ARHGAP12: variants seen among roughly 807,000 people sequenced by gnomAD.
ARHGAP12 encodes rho GTPase-activating protein 12.
In ARHGAP12, 64 loss-of-function variants were observed where a neutral mutation model predicts 108.6. The ratio of observed to expected loss-of-function variants is 0.59; its 90% confidence interval spans 0.48 to 0.73. The LOEUF is 0.73. Among genes scored for constraint, ARHGAP12 ranks in the 30% least tolerant of loss-of-function variants. The pLI is 0.00. For synonymous variants in ARHGAP12, 312 were observed against 337.2 expected (o/e 0.93, Z 0.82); for missense variants, 940 against 1,005.9 (o/e 0.93, Z 0.89).
At chr10:31,829,831 C>T (rs1835764997) in intron 10 of ARHGAP12, among the ~76,000 whole-genome samples, 1 of 152,110 alleles carries the variant, frequency 6.6e-6, no homozygotes, top group African/African-American at 2.4e-5. Flanking sequence ...TGTAGAGTTT[C>T]GGAGCAGCAG....
chr10:31,852,786 C>T (rs1188618420), intron 5 of ARHGAP12, among the ~76,000 whole-genome samples, 189 bp from the exon 6 acceptor site: 1 of 134,872 alleles, frequency 7.4e-6, no homozygotes, highest in Non-Finnish European at 1.5e-5. Flanking sequence ...GGCACCATCT[C>T]GGCTCACCAC....
At chr10:31,875,824 C>G (rs1458334591) in intron 3 of ARHGAP12, among the ~76,000 whole-genome samples, 1 of 152,182 alleles carries the variant, frequency 6.6e-6, no homozygotes, top group Admixed American at 6.5e-5. Flanking sequence ...ACTCCATACT[C>G]ACTAAACATT....
intron 9 of ARHGAP12, among the ~76,000 whole-genome samples, chr10:31,834,459 G>A (rs887195952): frequency 6.6e-6 from 1 of 152,184 alleles, no homozygotes; most frequent in Non-Finnish European, 1.5e-5. Context: ...TCACCAGACA[G>A]TGAATTTATC....
intron 10 of ARHGAP12, among the ~76,000 whole-genome samples, chr10:31,827,762 G>C (rs1466675517): frequency 1.3e-5 from 2 of 149,352 alleles, no homozygotes; most frequent in African/African-American, 5.1e-5. Context: ...CTGCACTCCA[G>C]CCTGGGTGAC....
intron 11 of ARHGAP12, 21 bp downstream of exon 11, chr10:31,826,283 C>T (rs1396270375): frequency 1.3e-6 from 2 of 1,578,814 alleles, no homozygotes; most frequent in East Asian, 2.2e-5. Flanking sequence ...TATAAAATCT[C>T]CAAAGAGAAG....
Position 31,908,922 on chromosome 10 carries a change from T to C in ARHGAP12, c.-67A>G, listed in dbSNP as rs1040223494. On this transcript the variant is annotated 5_prime_UTR_variant, in exon 3 of 20. The change creates a new upstream start codon in the 5' untranslated region. Coordinates refer to ENST00000344936, the MANE Select transcript of ARHGAP12 (RefSeq NM_018287.7). ...ATGGCTTTATGGCTTGTTGGATGAA[T>C]ATAGCTGTTTTATTTAAATGGAGAA... 1.0e-5 allele frequency: 14 copies of C among 1,368,032 alleles called. No homozygotes were observed. Among genetic ancestry groups the C allele is most frequent in the Non-Finnish European group, 1.4e-5 (14 of 1,013,138 alleles). The allele number at this position is 1,368,032 out of a possible 1,614,324, so 84.7% of individuals were successfully genotyped here. A position where few individuals can be genotyped will look rare whatever the true frequency, so the allele number is the denominator to read the frequency against.
chr10:31,850,998 T>G (rs11594899), intron 6 of ARHGAP12, among the ~76,000 whole-genome samples: 3 of 151,990 alleles, frequency 2.0e-5, no homozygotes, highest in African/African-American at 7.2e-5. Flanking sequence ...CACTTTTCAA[T>G]AGACTTTTTA....
At chr10:31,882,337 CTT>C in intron 3 of ARHGAP12, among the ~76,000 whole-genome samples, 1 of 152,204 alleles carries the variant, frequency 6.6e-6, no homozygotes, top group South Asian at 2.1e-4. Flanking sequence ...GGTGTAATTA[CTT>C]TTTGTCCCCA....
intron 3 of ARHGAP12, among the ~76,000 whole-genome samples, chr10:31,894,288 G>A (rs1222874481): frequency 6.6e-6 from 1 of 152,202 alleles, no homozygotes; most frequent in Non-Finnish European, 1.5e-5. Context: ...TATTCAATTA[G>A]GAAAAGAGGA....
chr10:31,877,701 A>G (rs759618394), intron 3 of ARHGAP12, among the ~76,000 whole-genome samples: 14 of 152,248 alleles, frequency 9.2e-5, no homozygotes, highest in South Asian at 2.1e-4. Flanking sequence ...TACCATCCAC[A>G]TGACATGGGT....
At chr10:31,808,893 TGAAAA>T in intron 18 of ARHGAP12, 96 bp downstream of exon 18, 1 of 1,381,634 alleles carries the variant, frequency 7.2e-7, no homozygotes, top group Non-Finnish European at 9.9e-7. Context: ...AACAATCTGT[TGAAAA>T]TACTTGCTTA....
intron 3 of ARHGAP12, among the ~76,000 whole-genome samples, chr10:31,874,747 G>T (rs1837661429): frequency 6.6e-6 from 1 of 151,974 alleles, no homozygotes; most frequent in South Asian, 2.1e-4. Context: ...GCCGAGGCGT[G>T]CGGATCACCT....
chr10:31,900,254 G>C (rs565609753), intron 3 of ARHGAP12, among the ~76,000 whole-genome samples: 1 of 152,266 alleles, frequency 6.6e-6, no homozygotes, highest in Non-Finnish European at 1.5e-5. Context: ...ATCCATTGCT[G>C]ATGGGAATAC....
rs551216234 is a variant in ARHGAP12, at chr10:31,899,627, GAA to G, written c.684+8543_684+8544del. Reference sequence around the variant, plus strand: ...GAACGAAGTCAATTCCATGGAGAAAGAAAAGTCTTTTTCAACAAATGGTGGTG... The same window carrying G: ...GAACGAAGTCAATTCCATGGAGAAAGAAGTCTTTTTCAACAAATGGTGGTG... On this transcript the variant is annotated intron_variant, in intron 3 of 19. Coordinates refer to ENST00000344936, the MANE Select transcript of ARHGAP12 (RefSeq NM_018287.7). Among the ~76,000 whole-genome samples, 200 of 152,272 alleles carry G rather than the reference GAA, an allele frequency of 1.3e-3. No homozygotes were observed. The Middle Eastern group carries it at 0.02, about 16-fold the overall frequency.
intron 18 of ARHGAP12, 101 bp from the exon 19 acceptor site, chr10:31,808,852 C>A: frequency 7.3e-6 from 10 of 1,366,678 alleles, no homozygotes; most frequent in Non-Finnish European, 1.0e-5. Context: ...ACAGTGACAT[C>A]TGGTGGTCAC....
intron 1 of ARHGAP12, among the ~76,000 whole-genome samples, chr10:31,916,157 C>T (rs112788209): frequency 3.3e-5 from 5 of 152,154 alleles, no homozygotes; most frequent in African/African-American, 1.2e-4. Context: ...ACGCCTCCAT[C>T]CATATTCATC....
At chr10:31,843,699 A>G in intron 6 of ARHGAP12, 113 bp from the exon 7 acceptor site, 1 of 1,221,676 alleles carries the variant, frequency 8.2e-7, no homozygotes. Flanking sequence ...GAAGTTCATT[A>G]TATGACATCT....
intron 15 of ARHGAP12, among the ~76,000 whole-genome samples, chr10:31,811,995 G>A (rs568989448): frequency 6.6e-6 from 1 of 152,276 alleles, no homozygotes; most frequent in South Asian, 2.1e-4. Context: ...GTGTTTTAAT[G>A]CAGATGCTTC....
intron 7 of ARHGAP12, among the ~76,000 whole-genome samples, chr10:31,842,540 C>T (rs1836308022): frequency 6.6e-6 from 1 of 151,986 alleles, no homozygotes; most frequent in African/African-American, 2.4e-5. Context: ...TAACACTACA[C>T]CTTTAAATTC....
Sources: allele counts gnomAD v4.1 joint callset (sites outside exome capture counted in the v4.1 genomes callset), GRCh38; gene constraint gnomAD v4.1.1; transcripts MANE v1.5; gene names NCBI Gene and HGNC (gene_info 2026-07-23, HGNC 2026-07-21).